The following ZNF841 variants were observed in gnomAD, a reference collection of about 807,000 sequenced individuals.
ZNF841 encodes zinc finger protein 841, also known as TCONS_00006091.
ZNF841 carries 11 observed loss-of-function variants against 13.0 expected under a neutral mutation model. That is an observed-to-expected ratio of 0.85 (90% CI 0.53 to 1.40). The LOEUF is 1.40. ZNF841 is among the 40% of genes most tolerant of loss of function. The probability of loss-of-function intolerance (pLI) is 0.00; values close to 1 mark genes in which losing one functional copy is unlikely to be tolerated. For synonymous variants in ZNF841, 369 were observed against 381.6 expected (o/e 0.97, Z 0.38); for missense variants, 1,068 against 1,139.5 (o/e 0.94, Z 0.90).
At chr19:52,063,213 G>T (rs765820325), downstream of ZNF841, among the ~76,000 whole-genome samples, 1 of 152,022 alleles carries the variant, frequency 6.6e-6, no homozygotes, top group South Asian at 2.1e-4. Flanking sequence ...AATTACATTT[G>T]CAAGGTTTCT....
At chr19:52,079,457 A>G (rs543048656) in intron 4 of ZNF841, among the ~76,000 whole-genome samples, 127 of 150,720 alleles carry the variant, frequency 8.4e-4, no homozygotes, top group Non-Finnish European at 1.5e-3. Context: ...AAAAAAACCC[A>G]AAAACTGTTA....
chr19:52,086,150 C>T (rs2088266843), intron 3 of ZNF841, among the ~76,000 whole-genome samples: 2 of 152,088 alleles, frequency 1.3e-5, no homozygotes, highest in Non-Finnish European at 2.9e-5. Context: ...CTGCAGGGGA[C>T]ATGGAGACGT....
Position 52,090,630 on chromosome 19 carries a change from A to AGAAAGAAGGAAGGAAGGAAG in ZNF841, c.-143-1629_-143-1628insCTTCCTTCCTTCCTTCTTTC, listed in dbSNP as rs1555782680. 7.3e-4 allele frequency among the ~76,000 whole-genome samples: 66 copies of AGAAAGAAGGAAGGAAGGAAG among 90,588 alleles called. 6 individuals are homozygous for AGAAAGAAGGAAGGAAGGAAG. The highest frequency in any genetic ancestry group is 4.0e-3 in the East Asian group (11 of 2,750). 59.4% of individuals were successfully genotyped at this position (90,588 alleles called of 152,430 possible). A position where few individuals can be genotyped will look rare whatever the true frequency, so the allele number is the denominator to read the frequency against. On this transcript the variant is annotated intron_variant, in intron 2 of 6. Transcript: ENST00000594440. ...CTTAAAAAAAGAAAGAAAGAAAGAA[A>AGAAAGAAGGAAGGAAGGAAG]GAAGGAAGGAAGGAAGGAAGGAAGG...
At chr19:52,089,529 T>G (rs2088400566) in intron 2 of ZNF841, among the ~76,000 whole-genome samples, 1 of 151,892 alleles carries the variant, frequency 6.6e-6, no homozygotes, top group African/African-American at 2.4e-5. Context: ...CGCTTGTAGT[T>G]TCAGCTACTC....
At chr19:52,094,868 TTC>T (rs1458176469) in intron 1 of ZNF841, among the ~76,000 whole-genome samples, 1 of 152,126 alleles carries the variant, frequency 6.6e-6, no homozygotes, top group Non-Finnish European at 1.5e-5. Context: ...TTTTCTAAAT[TTC>T]TCTGTGTGCT....
chr19:52,095,491 C>T (rs1285056852), intron 1 of ZNF841, 84 bp downstream of exon 1: 5 of 152,350 alleles, frequency 3.3e-5, no homozygotes, highest in Admixed American at 1.3e-4. Flanking sequence ...GGGTTGTCTA[C>T]ATGGTCCTAA....
At chr19:52,067,699 GT>G in intron 6 of ZNF841, 89 bp from the exon 7 acceptor site, 1 of 892,550 alleles carries the variant, frequency 1.1e-6, no homozygotes, top group Non-Finnish European at 1.5e-6. Flanking sequence ...TAAACATAAT[GT>G]TTATACTAGC....
chr19:52,071,442 C>T (rs1247803377), intron 6 of ZNF841, among the ~76,000 whole-genome samples: 5 of 152,010 alleles, frequency 3.3e-5, no homozygotes, highest in Non-Finnish European at 5.9e-5. Flanking sequence ...AGACGGGGTG[C>T]AGAATGAGGA....
chr19:52,072,335 C>G (rs751418874), intron 6 of ZNF841, among the ~76,000 whole-genome samples: 1 of 152,070 alleles, frequency 6.6e-6, no homozygotes, highest in Non-Finnish European at 1.5e-5. Flanking sequence ...TTGAACCTAA[C>G]CTATATATGC....
chr19:52,080,620 A>C (rs2088066676), intron 4 of ZNF841, among the ~76,000 whole-genome samples: 1 of 152,224 alleles, frequency 6.6e-6, no homozygotes, highest in African/African-American at 2.4e-5. Flanking sequence ...AAAAAGGATG[A>C]TTTACATAAA....
intron 3 of ZNF841, among the ~76,000 whole-genome samples, chr19:52,086,926 G>A (rs997620964): frequency 6.6e-6 from 1 of 152,246 alleles, no homozygotes; most frequent in African/African-American, 2.4e-5. Flanking sequence ...GGCAACAAGT[G>A]AAGACAGAGA....
chr19:52,090,659 GAAAGAAAGAAAGAAA>G (rs1568549636), intron 2 of ZNF841, among the ~76,000 whole-genome samples: 80 of 109,072 alleles, frequency 7.3e-4, no homozygotes, highest in African/African-American at 2.2e-3. Context: ...AGGAAGGAAA[GAAAGAAAGAAAGAAA>G]GAAAGAAAGA....
At chr19:52,071,107 T>C (rs1600084248) in intron 6 of ZNF841, among the ~76,000 whole-genome samples, 1 of 152,292 alleles carries the variant, frequency 6.6e-6, no homozygotes, top group Non-Finnish European at 1.5e-5. Flanking sequence ...TACTGACTAA[T>C]ACTTAAACAT....
intron 6 of ZNF841, among the ~76,000 whole-genome samples, chr19:52,070,586 GA>G (rs1483185468): frequency 6.6e-6 from 1 of 152,232 alleles, no homozygotes; most frequent in Non-Finnish European, 1.5e-5. Flanking sequence ...GAGCAGTCAT[GA>G]GTTTGCCCAC....
intron 6 of ZNF841, among the ~76,000 whole-genome samples, chr19:52,075,545 C>T (rs2087872730): frequency 6.6e-6 from 1 of 152,184 alleles, no homozygotes; most frequent in Non-Finnish European, 1.5e-5. Context: ...TAGTCCAGTT[C>T]TAGGACCCCA....
chr19:52,059,340 ACT>A, the ZNF841 span, among the ~76,000 whole-genome samples: 2 of 116,412 alleles, frequency 1.7e-5, no homozygotes, highest in Admixed American at 9.9e-5. Context: ...ACAGAGCGAG[ACT>A]CTGTCTAAAA....
intron 2 of ZNF841, among the ~76,000 whole-genome samples, chr19:52,092,499 T>C (rs1291524617): frequency 1.3e-5 from 2 of 152,212 alleles, no homozygotes; most frequent in Non-Finnish European, 2.9e-5. Flanking sequence ...TAACAGGTGT[T>C]AGCATGATAT....
At chr19:52,071,504 T>C (rs1191616229) in intron 6 of ZNF841, among the ~76,000 whole-genome samples, 1 of 152,144 alleles carries the variant, frequency 6.6e-6, no homozygotes, top group Non-Finnish European at 1.5e-5. Flanking sequence ...CAGGAGACTC[T>C]TGTCAAGGTT....
chr19:52,066,375 G>GTT lies in ZNF841; in HGVS notation c.1506_1507insAA (p.His503AsnfsTer27). 6.2e-7 allele frequency: 1 copy of GTT among 1,614,086 alleles called. No individual in the cohort carries two copies. On this transcript the variant is annotated frameshift_variant, in exon 7 of 7. Coordinates refer to ENST00000594440, the MANE Select transcript of ZNF841 (RefSeq NM_001136499.2). LOFTEE classifies it low-confidence loss of function (END_TRUNC). ...TTCTCTCCAGTATGAACTCTCTGATGCACTGCAAGATGTGAATGTTGACTG... is the reference window on the plus strand; with the variant it reads ...TTCTCTCCAGTATGAACTCTCTGATGTTCACTGCAAGATGTGAATGTTGACTG...
Sources: gnomAD v4.1 joint callset for allele counts (sites outside exome capture counted in the v4.1 genomes callset) on GRCh38, gnomAD v4.1.1 for gene constraint, MANE v1.5 for transcripts, NCBI Gene and HGNC (gene_info 2026-07-23, HGNC 2026-07-21) for gene names.